MMP12: variants seen among roughly 807,000 people sequenced by gnomAD.
MMP12 encodes the protein macrophage metalloelastase.
MMP12 carries 51 observed loss-of-function variants against 45.2 expected under a neutral mutation model. The observed-to-expected ratio is 1.13, with a 90% CI of 0.90 to 1.42. MMP12 has a LOEUF of 1.42. Ranked by LOEUF, MMP12 falls within the 40% of genes most tolerant of loss-of-function variation. The probability of loss-of-function intolerance (pLI) is 0.00; values close to 1 mark genes in which losing one functional copy is unlikely to be tolerated. For synonymous variants in MMP12, 210 were observed against 193.3 expected (o/e 1.09, Z -0.72); for missense variants, 530 against 570.8 (o/e 0.93, Z 0.73).
chr11:102,874,868 T>A lies in MMP12; in HGVS notation c.70A>T (p.Ser24Cys). The change falls in exon 1 of 10, where the codon AGC becomes TGC. Residue 24 changes from serine to cysteine, a missense_variant. Coordinates refer to ENST00000571244, the MANE Select transcript of MMP12 (RefSeq NM_002426.6). ...AATAGCACATTATTTTTTTCCAGGC[T>A]TGTAGAGCTGTTCAGGGGAAGAGCT... ...SGALPLNSSTSLEKNNVLFGE... is the reference protein window; with the variant it reads ...SGALPLNSSTCLEKNNVLFGE... 6.2e-7 allele frequency: 1 copy of A among 1,607,074 alleles called. No individual in the cohort carries two copies. Among genetic ancestry groups the A allele is most frequent in the East Asian group, 2.2e-5 (1 of 44,734 alleles).
Position 102,873,069 on chromosome 11 carries a change from G to A in MMP12, c.146C>T (p.Pro49Leu), listed in dbSNP as rs1181474330. Residue 49 changes from proline (P) to leucine (L), a missense_variant, in exon 2 of 10, where the codon CCA becomes CTA. Transcript: ENST00000571244. ...TCCACTATATTTCATTTTTGTCACT[G>A]GAAGTTTGTTTATCTCAAGGCCATA... The part of the protein sequence containing the change: ...KFYGLEINKL[P>L]VTKMKYSGNL... 6.2e-7 allele frequency: 1 copy of A among 1,612,820 alleles called. No homozygotes were observed. The highest frequency in any genetic ancestry group is 1.7e-5 in the Admixed American group (1 of 59,882).
intron 7 of MMP12, among the ~76,000 whole-genome samples, 181 bp from the exon 8 acceptor site, chr11:102,866,116 G>A (rs1859382559): frequency 6.6e-6 from 1 of 151,280 alleles, no homozygotes. Flanking sequence ...TTACTATTTT[G>A]TAGTTTACAA....
intron 6 of MMP12, among the ~76,000 whole-genome samples, chr11:102,866,748 G>T (rs952998866): frequency 1.3e-5 from 2 of 152,128 alleles, no homozygotes; most frequent in African/African-American, 4.8e-5. Flanking sequence ...CCTCAAGGAA[G>T]TCACTATCCT....
chr11:102,868,569 T>C (rs1859438647), intron 4 of MMP12, among the ~76,000 whole-genome samples: 1 of 152,200 alleles, frequency 6.6e-6, no homozygotes, highest in Non-Finnish European at 1.5e-5. Flanking sequence ...CAATCGTCTT[T>C]TCGTAAGCCC....
In MMP12 at chr11:102,863,183, G is replaced by A; in HGVS notation, c.1330C>T (p.Gln444Ter). 6.3e-7 allele frequency: 1 copy of A among 1,593,940 alleles called. No homozygotes were observed. Among genetic ancestry groups the A allele is most frequent in the Non-Finnish European group, 8.6e-7 (1 of 1,165,194 alleles). Reference sequence around the variant, plus strand: ...TCATATTCAAATTGGTTAGATCCTTGGAAGAAATAGTAGTATTCTGAAAAT... The same window carrying A: ...TCATATTCAAATTGGTTAGATCCTTAGAAGAAATAGTAGTATTCTGAAAAT... ...YSKNKYYYFF[Q>*]GSNQFEYDFL... The change falls in exon 10 of 10, where the codon CAA (glutamine) becomes TAA (stop). Residue 444 changes from glutamine (Q) to a stop codon, truncating the protein, a stop_gained. Transcript: ENST00000571244. LOFTEE classifies it low-confidence loss of function (END_TRUNC).
rs782223469 is a variant in MMP12 at position 102,873,114 on chromosome 11, T to C, written c.103-2A>G. 1 of 1,603,898 alleles carries C rather than the reference T, an allele frequency of 6.2e-7. No homozygotes were observed. The highest frequency in any genetic ancestry group is 8.5e-7 in the Non-Finnish European group (1 of 1,176,626). ...GCCATAAAATTTTTCTAAGTATCTCTGGAAAAAAAAATACATTCAGCAATG... is the reference window on the plus strand; with the variant it reads ...GCCATAAAATTTTTCTAAGTATCTCCGGAAAAAAAAATACATTCAGCAATG... On this transcript the variant is annotated splice_acceptor_variant, in intron 1 of 9. Coordinates refer to ENST00000571244, the MANE Select transcript of MMP12 (RefSeq NM_002426.6). LOFTEE classifies it high-confidence loss of function.
chr11:102,864,459 T>A (rs1859350136), intron 8 of MMP12, among the ~76,000 whole-genome samples: 1 of 152,202 alleles, frequency 6.6e-6, no homozygotes, highest in Non-Finnish European at 1.5e-5. Context: ...TTAAGTCTTT[T>A]TCCCACTATC....
At chr11:102,874,752 C>A (rs1859562825) in intron 1 of MMP12, 84 bp downstream of exon 1, 16 of 946,604 alleles carry the variant, frequency 1.7e-5, no homozygotes, top group Non-Finnish European at 2.6e-5. Flanking sequence ...AACAAACAAA[C>A]AAACAAACAA....
intron 4 of MMP12, among the ~76,000 whole-genome samples, chr11:102,871,221 C>G (rs763264841): frequency 6.6e-6 from 1 of 151,842 alleles, no homozygotes; most frequent in African/African-American, 2.4e-5. Context: ...CAGAGCAAGA[C>G]CTTGTCTCAA....
intron 7 of MMP12, 89 bp downstream of exon 7, chr11:102,866,226 G>T: frequency 7.7e-7 from 1 of 1,293,744 alleles, no homozygotes; most frequent in South Asian, 1.5e-5. Context: ...TGCTTTCTTG[G>T]TCTATATCTA....
intron 6 of MMP12, 143 bp downstream of exon 6, chr11:102,867,127 C>G: frequency 1.5e-6 from 1 of 645,308 alleles, no homozygotes; most frequent in East Asian, 3.1e-5. Context: ...CCTTTAAGAT[C>G]TCCTCACTGC....
Position 102,871,593 on chromosome 11 carries a change from C to T in MMP12, c.625+1G>A, listed in dbSNP as rs1452385822. The T allele has an allele frequency of 1.3e-6, 2 of 1,552,462 alleles. No homozygotes were observed. Among genetic ancestry groups the T allele is most frequent in the Non-Finnish European group, 8.7e-7 (1 of 1,147,406 alleles). On this transcript the variant is annotated splice_donor_variant, in intron 4 of 9. Transcript: ENST00000571244. LOFTEE classifies it high-confidence loss of function. ...TTTGTTTGTTTGTTTGTTTTGCCCACCTCCTGAATGTGTAGTCCAGAATTC... is the reference window on the plus strand; with the variant it reads ...TTTGTTTGTTTGTTTGTTTTGCCCATCTCCTGAATGTGTAGTCCAGAATTC...
intron 1 of MMP12, among the ~76,000 whole-genome samples, chr11:102,874,320 G>C (rs1332652342): frequency 1.3e-5 from 2 of 151,828 alleles, no homozygotes; most frequent in Non-Finnish European, 2.9e-5. Context: ...GCTGAGGCGG[G>C]GGATTGCTTG....
chr11:102,871,900 G>A lies in MMP12; in HGVS notation c.403C>T (p.Arg135Trp), dbSNP rs544068451. The A allele has an allele frequency of 1.5e-5, 24 of 1,613,678 alleles. No individual in the cohort carries two copies. Among genetic ancestry groups the A allele is most frequent in the South Asian group, 2.2e-5 (2 of 90,988 alleles). The change falls in exon 3 of 10, where the codon CGG becomes TGG. Residue 135 changes from arginine to tryptophan, a missense_variant. Coordinates refer to ENST00000571244, the MANE Select transcript of MMP12 (RefSeq NM_002426.6). ...TTACTCCATACTTGGAAAGCTTTCC[G>A]GATTGCGTAGTCAACATCCTCACGG... The part of the protein sequence containing the change: ...MNREDVDYAI[R>W]KAFQVWSNVT...
chr11:102,868,757 T>C (rs1859441967), intron 4 of MMP12, among the ~76,000 whole-genome samples: 1 of 152,116 alleles, frequency 6.6e-6, no homozygotes, highest in South Asian at 2.1e-4. Flanking sequence ...GTTTCTGCTT[T>C]TACTACACAT....
intron 8 of MMP12, 84 bp from the exon 9 acceptor site, chr11:102,864,336 A>G: frequency 1.1e-6 from 1 of 870,510 alleles, no homozygotes; most frequent in South Asian, 1.4e-5. Flanking sequence ...TCTACTGAAG[A>G]GCTCTTCCCC....
chr11:102,870,214 G>C (rs1181725285), intron 4 of MMP12, among the ~76,000 whole-genome samples: 1 of 151,906 alleles, frequency 6.6e-6, no homozygotes, highest in Non-Finnish European at 1.5e-5. Flanking sequence ...ACATTTTTTT[G>C]AGGCTAACTA....
In MMP12 at chr11:102,867,308, G is replaced by T; in HGVS notation, c.873C>A (p.Val291=). 6.2e-7 allele frequency: 1 copy of T among 1,609,240 alleles called. No homozygotes were observed. ...AAAAGATCTTATTTCCCACGGTAGT[G>T]ACAGCATCAAAACTCAAATTGGGGT... ...LCDPNLSFDA[V]TTVGNKIFFF... is the part of the protein sequence containing the mutation. The change falls in exon 6 of 10, where the codon GTC becomes GTA. Residue 291 remains valine, a synonymous_variant. Coordinates refer to ENST00000571244, the MANE Select transcript of MMP12 (RefSeq NM_002426.6).
In MMP12 at chr11:102,867,277, T is replaced by C; in HGVS notation, c.904A>G (p.Lys302Glu). The C allele has an allele frequency of 6.3e-7, 1 of 1,595,446 alleles. No individual in the cohort carries two copies. The highest frequency in any genetic ancestry group is 8.5e-7 in the Non-Finnish European group (1 of 1,171,746). ...TTVGNKIFFF[K>E]DRFFWLKVSE... ...ATATGAAAATGATCCTACCTGTCTT[T>C]GAAGAAAAAGATCTTATTTCCCACG... The change falls in exon 6 of 10, where the codon AAA (lysine) becomes GAA (glutamate). Residue 302 changes from lysine (K) to glutamate (E), a missense_variant. Lys to Glu is a moderately conservative substitution (Grantham distance 56, BLOSUM62 1). Transcript: ENST00000571244.
Sources: gnomAD v4.1 joint callset for allele counts (sites outside exome capture counted in the v4.1 genomes callset) on GRCh38, gnomAD v4.1.1 for gene constraint, MANE v1.5 for transcripts, NCBI Gene and HGNC (gene_info 2026-07-23, HGNC 2026-07-21) for gene names.